SNX1: variants seen among roughly 807,000 people sequenced by gnomAD.
SNX1 encodes sorting nexin 1, also known as sorting nexin-1.
In SNX1, 36 loss-of-function variants were observed where a neutral mutation model predicts 71.8. The observed-to-expected ratio is 0.50, with a 90% CI of 0.38 to 0.66. SNX1 has a LOEUF of 0.66. Among genes scored for constraint, SNX1 ranks in the 30% least tolerant of loss-of-function variants. The pLI is 0.00. For synonymous variants in SNX1, 254 were observed against 240.7 expected (o/e 1.06, Z -0.51); for missense variants, 612 against 646.7 (o/e 0.95, Z 0.58).
At chr15:64,112,360 C>T (rs1308207760) in intron 1 of SNX1, among the ~76,000 whole-genome samples, 7 of 152,270 alleles carry the variant, frequency 4.6e-5, no homozygotes, top group Non-Finnish European at 8.8e-5. Context: ...GGCATTTGAG[C>T]GAGGTTATGC....
chr15:64,117,552 C>A (rs1021252899), intron 2 of SNX1, among the ~76,000 whole-genome samples: 1 of 152,178 alleles, frequency 6.6e-6, no homozygotes, highest in African/African-American at 2.4e-5. Flanking sequence ...GCCGCCACGC[C>A]CAGCCTTTTA....
chr15:64,125,909 A>G (rs2081247042), intron 5 of SNX1, among the ~76,000 whole-genome samples, 170 bp from the exon 6 acceptor site: 1 of 152,158 alleles, frequency 6.6e-6, no homozygotes, highest in Non-Finnish European at 1.5e-5. Flanking sequence ...GCCAAAGGGG[A>G]ACTATAGTTT....
At chr15:64,107,409 G>A (rs2081033348) in intron 1 of SNX1, among the ~76,000 whole-genome samples, 1 of 152,196 alleles carries the variant, frequency 6.6e-6, no homozygotes, top group African/African-American at 2.4e-5. Context: ...TCACAGCAGT[G>A]CTTAAAGTAG....
At chr15:64,111,890 C>T (rs145867403) in intron 1 of SNX1, among the ~76,000 whole-genome samples, 429 of 152,294 alleles carry the variant, frequency 2.8e-3, no homozygotes, top group East Asian at 9.3e-3. Context: ...ACCCACCCCA[C>T]CCTTGTTTGC....
Position 64,127,850 on chromosome 15 carries a change from C to T in SNX1, c.807+44C>T, listed in dbSNP as rs776152576. On this transcript the variant is annotated intron_variant, in intron 8 of 14. Coordinates refer to ENST00000559844, the MANE Select transcript of SNX1 (RefSeq NM_003099.5). ...CTGAATTTCATAATTTATATCTGCC[C>T]CTAGTGAAACGAAACTAGTTCATTC... 7.5e-6 allele frequency: 11 copies of T among 1,469,898 alleles called. No individual in the cohort carries two copies. The African/African-American group carries it at 9.7e-5, about 13-fold the overall frequency. 91.1% of individuals were successfully genotyped at this position (1,469,898 alleles called of 1,614,324 possible). A position where few individuals can be genotyped will look rare whatever the true frequency, so the allele number is the denominator to read the frequency against.
chr15:64,142,297 C>A lies in SNX1; in HGVS notation c.*4679C>A. ...GAGCTACAGTTGCGCCACTGCACTC[C>A]AGCCTAGGTGACAGAGCAAGATCTT... On this transcript the variant is annotated 3_prime_UTR_variant, in exon 15 of 15. Coordinates refer to ENST00000559844, the MANE Select transcript of SNX1 (RefSeq NM_003099.5). 1 of 211,336 alleles carries A rather than the reference C, an allele frequency of 4.7e-6. No individual in the cohort carries two copies. The highest frequency in any genetic ancestry group is 9.6e-6 in the Non-Finnish European group (1 of 103,750). The allele number at this position is 211,336 out of a possible 1,614,324, so 13.1% of individuals were successfully genotyped here. A position where few individuals can be genotyped will look rare whatever the true frequency, so the allele number is the denominator to read the frequency against.
intron 1 of SNX1, 25 bp from the exon 2 acceptor site, chr15:64,112,548 A>G: frequency 6.6e-7 from 1 of 1,518,408 alleles, no homozygotes; most frequent in Non-Finnish European, 9.1e-7. Context: ...GTAATGTTTT[A>G]TTCAGAGTAT....
At chr15:64,125,434 C>T (rs2081240570) in intron 5 of SNX1, among the ~76,000 whole-genome samples, 1 of 143,338 alleles carries the variant, frequency 7.0e-6, no homozygotes, top group African/African-American at 2.7e-5. Context: ...CACTGCACTC[C>T]AGCCTGGGTG....
At chr15:64,106,015 A>G (rs1428017980) in intron 1 of SNX1, among the ~76,000 whole-genome samples, 1 of 152,222 alleles carries the variant, frequency 6.6e-6, no homozygotes, top group East Asian at 1.9e-4. Context: ...AACCAATTAT[A>G]TTGAAATTCA....
At position 64,096,063 on chromosome 15, in the gene SNX1, C is replaced by T. The variant is rs1217920055; in HGVS notation, c.50C>T (p.Pro17Leu). Residue 17 changes from proline (P) to leucine (L), a missense_variant, in exon 1 of 15, where the codon CCC becomes CTC. Pro to Leu is a moderately conservative substitution (Grantham distance 98). This residue lies in a region of SNX1 where 316 missense variants were observed against 284.9 expected (regional missense o/e 1.11). Transcript: ENST00000559844. The part of the protein sequence containing the change: ...GCSASERLPP[P>L]FPGLEPESEG... Reference sequence around the variant, plus strand: ...AGCGCTTCGGAGAGACTGCCTCCGCCCTTCCCCGGCCTGGAGCCGGAGTCC... The same window carrying T: ...AGCGCTTCGGAGAGACTGCCTCCGCTCTTCCCCGGCCTGGAGCCGGAGTCC... 2.5e-6 allele frequency: 4 copies of T among 1,584,860 alleles called. No individual in the cohort carries two copies. The highest frequency in any genetic ancestry group is 1.8e-5 in the Admixed American group (1 of 54,810).
At chr15:64,125,464 CAAA>C (rs56350009) in intron 5 of SNX1, among the ~76,000 whole-genome samples, 3 of 45,860 alleles carry the variant, frequency 6.5e-5, no homozygotes, top group African/African-American at 6.7e-5. Context: ...GACTCCATCT[CAAA>C]AAAAAAAAAA....
intron 1 of SNX1, among the ~76,000 whole-genome samples, chr15:64,108,467 GGA>G (rs1489799948): frequency 3.9e-5 from 6 of 152,024 alleles, no homozygotes. Flanking sequence ...CAAATCTCGT[GGA>G]AGACTTGTTT....
rs891554368 is a variant in SNX1, at chr15:64,138,249, A to G, written c.*631A>G. On this transcript the variant is annotated 3_prime_UTR_variant, in exon 15 of 15. Transcript: ENST00000559844. ...CTTCTTTAGGGAAGGAGTTTTAAAA[A>G]CATCTCTTAAAATAAGAGGAGCAAA... 6.9e-7 allele frequency: 1 copy of G among 1,452,700 alleles called. No individual in the cohort carries two copies. The highest frequency in any genetic ancestry group is 1.4e-5 in the African/African-American group (1 of 69,568). 90.0% of individuals were successfully genotyped at this position (1,452,700 alleles called of 1,614,324 possible).
intron 1 of SNX1, among the ~76,000 whole-genome samples, chr15:64,107,714 A>G (rs1276962190): frequency 6.6e-6 from 1 of 151,220 alleles, no homozygotes; most frequent in Non-Finnish European, 1.5e-5. Flanking sequence ...CAAGTGTTGG[A>G]TATCCCAGCT....
rs369350479 is a variant in SNX1, at chr15:64,142,474, G to A, written c.*4856G>A. 2.4e-5 allele frequency: 8 copies of A among 337,502 alleles called. No homozygotes were observed. The highest frequency in any genetic ancestry group is 3.9e-5 in the Admixed American group (1 of 25,454). 20.9% of individuals were successfully genotyped at this position (337,502 alleles called of 1,614,324 possible). On this transcript the variant is annotated 3_prime_UTR_variant, in exon 15 of 15. Coordinates refer to ENST00000559844, the MANE Select transcript of SNX1 (RefSeq NM_003099.5). ...GAGAAGAGAAAGAGAATGACTATCA[G>A]AGCCATGTTTGGAAGAAAATGGGGT... is the stretch of plus-strand genomic sequence containing the variant.
intron 1 of SNX1, among the ~76,000 whole-genome samples, chr15:64,097,438 G>A (rs958291970): frequency 6.6e-6 from 1 of 151,852 alleles, no homozygotes; most frequent in Admixed American, 6.6e-5. Flanking sequence ...CTTGCCCCCA[G>A]ACCTTGGTGT....
At position 64,118,626 on chromosome 15, in the gene SNX1, A is replaced by G. The variant is rs2081157638; in HGVS notation, c.400-162A>G. On this transcript the variant is annotated intron_variant, in intron 3 of 14. Coordinates refer to ENST00000559844, the MANE Select transcript of SNX1 (RefSeq NM_003099.5). ...GACTTGTAAGCTGGCTCCTAATTTA[A>G]AATTTTGAGAGTTGGTACATTGGGA... Among the ~76,000 whole-genome samples the G allele has an allele frequency of 2.0e-5, 3 of 152,198 alleles. No individual in the cohort carries two copies. In the South Asian group the frequency reaches 6.2e-4, roughly 32 times the overall value.
At chr15:64,136,651 C>A (rs2081362978) in intron 13 of SNX1, among the ~76,000 whole-genome samples, 1 of 152,144 alleles carries the variant, frequency 6.6e-6, no homozygotes, top group African/African-American at 2.4e-5. Flanking sequence ...CCCTCGGTCC[C>A]CTGTCGTTTC....
chr15:64,138,317 C>A lies in SNX1; in HGVS notation c.*699C>A. 5.0e-6 allele frequency: 4 copies of A among 805,734 alleles called. No individual in the cohort carries two copies. The highest frequency in any genetic ancestry group is 6.9e-6 in the Non-Finnish European group (4 of 578,774). 49.9% of individuals were successfully genotyped at this position (805,734 alleles called of 1,614,324 possible). On this transcript the variant is annotated 3_prime_UTR_variant, in exon 15 of 15. Transcript: ENST00000559844. ...CTCCTGCAAAGGAGGCAGAGACTTT[C>A]TCTCTCTCTTTTTTTTTTTTTTTTG...
Sources: allele counts gnomAD v4.1 joint callset (sites outside exome capture counted in the v4.1 genomes callset), GRCh38; gene constraint gnomAD v4.1.1; regional missense constraint gnomAD v4.1.1; transcripts MANE v1.5; gene names NCBI Gene and HGNC (gene_info 2026-07-23, HGNC 2026-07-21).